The following TLK2 variants were observed in gnomAD, a reference collection of about 807,000 sequenced individuals.
The protein encoded by TLK2 is serine/threonine-protein kinase tousled-like 2.
TLK2 carries 6 observed loss-of-function variants against 117.3 expected under a neutral mutation model. That is an observed-to-expected ratio of 0.05 (90% CI 0.03 to 0.10). The LOEUF (loss-of-function observed/expected upper bound fraction) is 0.10, where lower values mean the gene tolerates loss of function less well. Among genes scored for constraint, TLK2 ranks in the 10% least tolerant of loss-of-function variants. TLK2 has a pLI of 1.00. For missense variants in TLK2, 299 were observed against 901.2 expected, an observed-to-expected ratio of 0.33 and a Z score of 8.56; for synonymous variants, 257 against 316.7, an observed-to-expected ratio of 0.81 and a Z score of 2.00.
At chr17:62,515,789 T>G (rs944794041) in intron 2 of TLK2, among the ~76,000 whole-genome samples, 1 of 152,230 alleles carries the variant, frequency 6.6e-6, no homozygotes, top group African/African-American at 2.4e-5. Flanking sequence ...TTCCTTTTTA[T>G]TCTGTTGATT....
intron 2 of TLK2, among the ~76,000 whole-genome samples, chr17:62,503,016 A>ATAAAT (rs145809203): frequency 0.033 from 4,943 of 151,770 alleles, 127 homozygotes; most frequent in Non-Finnish European, 0.046. Context: ...GAAGGGAGAA[A>ATAAAT]TAAATGTAGG....
chr17:62,519,538 G>T (rs2145487298), intron 2 of TLK2, among the ~76,000 whole-genome samples: 1 of 152,292 alleles, frequency 6.6e-6, no homozygotes, highest in Middle Eastern at 3.4e-3. Flanking sequence ...CTGGGGCCGG[G>T]TGCGGTGGCT....
intron 2 of TLK2, among the ~76,000 whole-genome samples, chr17:62,489,705 A>T (rs1254065048): frequency 6.6e-6 from 1 of 152,190 alleles, no homozygotes; most frequent in East Asian, 1.9e-4. Flanking sequence ...CAGAGTTCCC[A>T]TATACTTCCT....
Position 62,600,828 on chromosome 17 carries a change from T to G in TLK2, c.1720+8T>G, listed in dbSNP as rs756524702. ...ACTATGACCTCAAACCAGGTATGTC[T>G]AACTTTTAGGAGACAGTATTAGTGG... On this transcript the variant is annotated splice_region_variant and intron_variant, in intron 18 of 21. Coordinates refer to ENST00000346027, the MANE Select transcript of TLK2 (RefSeq NM_006852.6). 3.8e-5 allele frequency: 60 copies of G among 1,595,344 alleles called. 1 individual carries two copies. Among genetic ancestry groups the G allele is most frequent in the Non-Finnish European group, 4.6e-5 (54 of 1,173,540 alleles).
chr17:62,598,404 G>A (rs944559794), intron 17 of TLK2, among the ~76,000 whole-genome samples: 2 of 152,126 alleles, frequency 1.3e-5, no homozygotes, highest in African/African-American at 4.8e-5. Context: ...TCTTCCTATT[G>A]TATGTATGAT....
intron 12 of TLK2, 100 bp downstream of exon 12, chr17:62,573,467 C>G: frequency 6.8e-7 from 1 of 1,469,850 alleles, no homozygotes; most frequent in African/African-American, 1.4e-5. Flanking sequence ...TGAGGTCACT[C>G]AGGTTTAAAC....
At chr17:62,520,374 A>T (rs2075952106) in intron 2 of TLK2, among the ~76,000 whole-genome samples, 1 of 152,134 alleles carries the variant, frequency 6.6e-6, no homozygotes. Flanking sequence ...CATTCTTCCC[A>T]GGAATAAAGA....
intron 2 of TLK2, among the ~76,000 whole-genome samples, chr17:62,488,362 T>C (rs1203385131): frequency 6.6e-6 from 1 of 152,070 alleles, no homozygotes; most frequent in African/African-American, 2.4e-5. Context: ...TTGCAGCAAT[T>C]AGAAGCTTTC....
At chr17:62,543,578 CA>C (rs1239719500) in intron 7 of TLK2, among the ~76,000 whole-genome samples, 2 of 152,074 alleles carry the variant, frequency 1.3e-5, no homozygotes, top group South Asian at 4.2e-4. Context: ...TTGCATTCCC[CA>C]AAAAACTGGT....
chr17:62,580,046 AT>A, intron 14 of TLK2, 64 bp from the exon 15 acceptor site: 1 of 1,352,890 alleles, frequency 7.4e-7, no homozygotes, highest in Non-Finnish European at 1.0e-6. Flanking sequence ...TATTCTGGGA[AT>A]TTTGCAAGCG....
intron 1 of TLK2, among the ~76,000 whole-genome samples, chr17:62,479,856 G>C (rs2071409282): frequency 6.6e-6 from 1 of 152,252 alleles, no homozygotes; most frequent in African/African-American, 2.4e-5. Context: ...CTTGGGGTTT[G>C]GGAGAGACTG....
rs386386398 is a variant in TLK2 at position 62,534,881 on chromosome 17, C to CTTTTTTT, written c.364-1271_364-1265dup. Among the ~76,000 whole-genome samples the CTTTTTTT allele has an allele frequency of 1.3e-3, 97 of 72,996 alleles. 3 individuals carry two copies. The highest frequency in any genetic ancestry group is 1.8e-3 in the Non-Finnish European group (74 of 41,366). 47.9% of individuals were successfully genotyped at this position (72,996 alleles called of 152,430 possible). A position where few individuals can be genotyped will look rare whatever the true frequency, so the allele number is the denominator to read the frequency against. On this transcript the variant is annotated intron_variant, in intron 6 of 21. Coordinates refer to ENST00000346027, the MANE Select transcript of TLK2 (RefSeq NM_006852.6). ...TGCATTAAAAGTGGATAATTCCAGT[C>CTTTTTTT]TTTTTTTTTTTTTTTTTTTTTTTTG...
At position 62,573,107 on chromosome 17, in the gene TLK2, GCTTATTTT is replaced by G. The variant is rs1598674732; in HGVS notation, c.969-107_969-100del. The stretch of plus-strand genomic sequence containing the variant: ...TCAAATCTCTACTTGACTTAAAGGG[GCTTATTTT>G]TTCTGAAATTGGATACACAAGTGAC... On this transcript the variant is annotated intron_variant, in intron 11 of 21. Transcript: ENST00000346027. The G allele has an allele frequency of 8.8e-6, 11 of 1,256,060 alleles. No homozygotes were observed. The East Asian group carries it at 2.8e-4, about 32-fold the overall frequency. 77.8% of individuals were successfully genotyped at this position (1,256,060 alleles called of 1,614,324 possible).
chr17:62,608,264 T>C, intron 21 of TLK2, 116 bp downstream of exon 21: 1 of 768,516 alleles, frequency 1.3e-6, no homozygotes, highest in South Asian at 1.8e-5. Context: ...AATAAAAATA[T>C]TAGGATAGGC....
intron 10 of TLK2, among the ~76,000 whole-genome samples, chr17:62,562,885 T>C (rs1406948647): frequency 6.6e-6 from 1 of 152,138 alleles, no homozygotes; most frequent in Non-Finnish European, 1.5e-5. Context: ...TTTGGGAGGC[T>C]CAGGGAGGAG....
At chr17:62,570,251 G>A (rs1055807192) in intron 11 of TLK2, among the ~76,000 whole-genome samples, 2 of 152,118 alleles carry the variant, frequency 1.3e-5, no homozygotes, top group African/African-American at 2.4e-5. Context: ...TGATTGTCTT[G>A]TTTCTCTTTT....
intron 16 of TLK2, among the ~76,000 whole-genome samples, chr17:62,588,545 C>A (rs754817688): frequency 1.3e-5 from 2 of 152,168 alleles, no homozygotes; most frequent in Admixed American, 6.6e-5. Context: ...GATCATGGTG[C>A]CTGAGCTCAT....
intron 9 of TLK2, among the ~76,000 whole-genome samples, chr17:62,557,226 A>G (rs1051454270): frequency 4.6e-5 from 7 of 152,240 alleles, no homozygotes; most frequent in Admixed American, 2.6e-4. Context: ...TGCCAGGCCT[A>G]TTATTTACAT....
At chr17:62,560,828 A>G (rs2079207597) in intron 10 of TLK2, among the ~76,000 whole-genome samples, 1 of 148,282 alleles carries the variant, frequency 6.7e-6, no homozygotes, top group African/African-American at 2.5e-5. Flanking sequence ...CAATTTTTGT[A>G]TTTTTTTTTT....
Sources: allele counts gnomAD v4.1 joint callset (sites outside exome capture counted in the v4.1 genomes callset), GRCh38; gene constraint gnomAD v4.1.1; transcripts MANE v1.5; gene names NCBI Gene and HGNC (gene_info 2026-07-23, HGNC 2026-07-21).